The following FBXL18 variants were observed in gnomAD, a reference collection of about 807,000 sequenced individuals.
FBXL18 encodes F-box and leucine rich repeat protein 18.
FBXL18 carries 36 observed loss-of-function variants against 46.0 expected under a neutral mutation model. That is an observed-to-expected ratio of 0.78 (90% CI 0.60 to 1.03). FBXL18 has a LOEUF of 1.03. Ranked by LOEUF, FBXL18 falls within the 50% of genes least tolerant of loss-of-function variation. The probability of loss-of-function intolerance (pLI) is 0.00; values close to 1 mark genes in which losing one functional copy is unlikely to be tolerated. For synonymous variants in FBXL18, 557 were observed against 465.3 expected, an observed-to-expected ratio of 1.20 and a Z score of -2.54; for missense variants, 977 against 1,004.1, an observed-to-expected ratio of 0.97 and a Z score of 0.36.
intron 4 of FBXL18, among the ~76,000 whole-genome samples, chr7:5,465,537 C>T (rs1783328929): frequency 1.3e-5 from 2 of 152,118 alleles, no homozygotes; most frequent in South Asian, 2.1e-4. Flanking sequence ...TGCAGTGGTG[C>T]GATCATAGCT....
chr7:5,485,900 CACAAAAAAAT>C (rs1783761971), intron 4 of FBXL18, among the ~76,000 whole-genome samples: 1 of 151,274 alleles, frequency 6.6e-6, no homozygotes, highest in Non-Finnish European at 1.5e-5. Context: ...CTAAAAAAAA[CACAAAAAAAT>C]TAGCCGGGCG....
intron 3 of FBXL18, among the ~76,000 whole-genome samples, chr7:5,493,908 C>T (rs1584222249): frequency 6.6e-6 from 1 of 151,040 alleles, no homozygotes; most frequent in Non-Finnish European, 1.5e-5. Flanking sequence ...CTGAGGCAGG[C>T]GGATCACCTG....
intron 2 of FBXL18, among the ~76,000 whole-genome samples, chr7:5,502,363 G>A (rs1034649677): frequency 4.7e-5 from 7 of 149,644 alleles, no homozygotes; most frequent in African/African-American, 1.7e-4. Context: ...GGTGAAGCCC[G>A]ATCTCAACTG....
At position 5,501,410 on chromosome 7, in the gene FBXL18, C is replaced by T; in HGVS notation, c.859G>A (p.Ala287Thr). The T allele has an allele frequency of 6.2e-7, 1 of 1,613,680 alleles. No individual in the cohort carries two copies. The highest frequency in any genetic ancestry group is 8.5e-7 in the Non-Finnish European group (1 of 1,180,026). The change falls in exon 3 of 5, where the codon GCG becomes ACG. Residue 287 changes from alanine to threonine, a missense_variant. By Grantham distance (58) the Ala-to-Thr change is moderately conservative (BLOSUM62 0). Transcript: ENST00000382368. ...GATKNLLDSMARNVVLDALQL... is the reference protein window; with the variant it reads ...GATKNLLDSMTRNVVLDALQL... ...AGGGCATCCAGCACGACATTGCGCG[C>T]CATGGAGTCCAGGAGGTTCTTGGTG... is the stretch of plus-strand genomic sequence containing the variant.
intron 3 of FBXL18, among the ~76,000 whole-genome samples, chr7:5,497,521 C>T (rs1218255131): frequency 6.6e-6 from 1 of 152,214 alleles, no homozygotes; most frequent in Non-Finnish European, 1.5e-5. Flanking sequence ...ACTAACAGGT[C>T]TGCAGTGGGA....
intron 3 of FBXL18, among the ~76,000 whole-genome samples, chr7:5,497,058 G>A (rs1312581044): frequency 2.0e-5 from 3 of 148,358 alleles, no homozygotes; most frequent in Non-Finnish European, 3.0e-5. Context: ...AAAACTAGCC[G>A]GGCATGGTCG....
At chr7:5,460,330 T>A (rs1012839735) in intron 4 of FBXL18, among the ~76,000 whole-genome samples, 2 of 152,256 alleles carry the variant, frequency 1.3e-5, no homozygotes, top group East Asian at 3.9e-4. Flanking sequence ...ATTGTGAAAT[T>A]TAATATAATC....
downstream of FBXL18, among the ~76,000 whole-genome samples, chr7:5,474,477 G>A (rs570386674): frequency 1.3e-5 from 2 of 151,444 alleles, no homozygotes; most frequent in African/African-American, 2.4e-5. Flanking sequence ...CGCCATGCCC[G>A]GCTAATATTT....
chr7:5,473,436 G>GA (rs1554317552), downstream of FBXL18, among the ~76,000 whole-genome samples: 1 of 151,662 alleles, frequency 6.6e-6, no homozygotes, highest in East Asian at 1.9e-4. Context: ...GGAGGTCTCT[G>GA]CCCCAAACTG....
At chr7:5,513,496 A>G (rs1210939777) in intron 1 of FBXL18, among the ~76,000 whole-genome samples, 161 bp downstream of exon 1, 1 of 151,470 alleles carries the variant, frequency 6.6e-6, no homozygotes, top group African/African-American at 2.4e-5. Context: ...GGATGCGGGA[A>G]GGACGGGAGC....
chr7:5,495,361 C>T (rs191697602), intron 3 of FBXL18, among the ~76,000 whole-genome samples: 28 of 152,330 alleles, frequency 1.8e-4, no homozygotes, highest in African/African-American at 4.8e-4. Flanking sequence ...TCTGCCCAGA[C>T]GCTGCCCTGG....
At chr7:5,509,719 A>G (rs1437577708) in intron 1 of FBXL18, among the ~76,000 whole-genome samples, 1 of 150,866 alleles carries the variant, frequency 6.6e-6, no homozygotes, top group Non-Finnish European at 1.5e-5. Flanking sequence ...AAAAAAAAAA[A>G]GAGAAGTTTC....
downstream of FBXL18, among the ~76,000 whole-genome samples, chr7:5,472,935 T>C (rs2128232269): frequency 6.6e-6 from 1 of 152,270 alleles, no homozygotes; most frequent in East Asian, 1.9e-4. Flanking sequence ...TGCCTGTCAC[T>C]GTAATGACAG....
At chr7:5,512,213 C>T (rs1331415069) in intron 1 of FBXL18, among the ~76,000 whole-genome samples, 73 of 150,256 alleles carry the variant, frequency 4.9e-4, no homozygotes, top group African/African-American at 1.4e-3. Flanking sequence ...CCACTGCACT[C>T]CACCCTGGGC....
rs1005379926 is a variant in FBXL18 at position 5,477,395 on chromosome 7, C to T, written c.*4380G>A. 1.2e-4 allele frequency among the ~76,000 whole-genome samples: 18 copies of T among 152,232 alleles called. No homozygotes were observed. Among genetic ancestry groups the T allele is most frequent in the Admixed American group, 5.9e-4 (9 of 15,266 alleles). ...CCTCACTTTGTCCATGAATTTCACA[C>T]GTTTTCTTACAAGAGCTCTGTAATG... On this transcript the variant is annotated 3_prime_UTR_variant, in exon 5 of 5. Transcript: ENST00000382368. The surrounding 1 kb of genome is among the most constrained non-coding windows in gnomAD (Gnocchi z 4.4).
intron 1 of FBXL18, among the ~76,000 whole-genome samples, chr7:5,506,465 A>G (rs2966440): frequency 0.086 from 12,782 of 148,454 alleles, 576 homozygotes; most frequent in Admixed American, 0.11. Context: ...ATGTTGGCCA[A>G]TCAGGTTGCA....
chr7:5,513,741 G>C lies in FBXL18; in HGVS notation c.-67C>G. On this transcript the variant is annotated 5_prime_UTR_variant, in exon 1 of 5. Transcript: ENST00000382368. ...CCGTGCCTCCCACCTGCCCGGCTAGGGATGCTCGAAGCCGGCGCGTCCACC... is the reference window on the plus strand; with the variant it reads ...CCGTGCCTCCCACCTGCCCGGCTAGCGATGCTCGAAGCCGGCGCGTCCACC... The C allele has an allele frequency of 6.4e-7, 1 of 1,565,332 alleles. No homozygotes were observed. Among genetic ancestry groups the C allele is most frequent in the Non-Finnish European group, 8.7e-7 (1 of 1,155,136 alleles).
chr7:5,454,814 C>A (rs986069688), intron 4 of FBXL18, among the ~76,000 whole-genome samples: 4 of 152,176 alleles, frequency 2.6e-5, no homozygotes, highest in Admixed American at 2.0e-4. Context: ...AGAAGGCGTC[C>A]CCAGGGCATA....
rs1235338624 is a variant in FBXL18, at chr7:5,477,793, C to A, written c.*3982G>T. 1 of 152,336 alleles carries A rather than the reference C, an allele frequency of 6.6e-6. No homozygotes were observed. Among genetic ancestry groups the A allele is most frequent in the East Asian group, 1.9e-4 (1 of 5,208 alleles). 9.4% of individuals were successfully genotyped at this position (152,336 alleles called of 1,614,324 possible). ...GAGGTGGGAGGCTGCCACAGCGCTG[C>A]CTGCTGGGGGATCAAGGTCCCCGCA... On this transcript the variant is annotated 3_prime_UTR_variant, in exon 5 of 5. Transcript: ENST00000382368. The surrounding 1 kb of genome is among the most constrained non-coding windows in gnomAD (Gnocchi z 4.4).
Sources: gnomAD v4.1 joint callset for allele counts (sites outside exome capture counted in the v4.1 genomes callset) on GRCh38, gnomAD v4.1.1 for gene constraint, Gnocchi (gnomAD v3.1) non-coding constraint, MANE v1.5 for transcripts, NCBI Gene and HGNC (gene_info 2026-07-23, HGNC 2026-07-21) for gene names.